WDR36: variants seen among roughly 807,000 people sequenced by gnomAD.
The protein encoded by WDR36 is WD repeat domain 36, also known as WD repeat-containing protein 36.
In WDR36, 63 loss-of-function variants were observed where a neutral mutation model predicts 112.7. The ratio of observed to expected loss-of-function variants is 0.56; its 90% CI spans 0.46 to 0.69. The LOEUF is 0.69. Ranked by LOEUF, WDR36 falls within the 30% of genes least tolerant of loss-of-function variation. The pLI is 0.00. For missense variants in WDR36, 1,226 were observed against 1,070.3 expected, an observed-to-expected ratio of 1.15 and a Z score of -2.03; for synonymous variants, 410 against 362.2, an observed-to-expected ratio of 1.13 and a Z score of -1.50.
chr5:111,104,910 C>T (rs1561703956), intron 9 of WDR36, 93 bp downstream of exon 9: 1 of 1,571,988 alleles, frequency 6.4e-7, no homozygotes, highest in Admixed American at 1.7e-5. Context: ...TACTTAGATT[C>T]ACATATCTCT....
intron 11 of WDR36, among the ~76,000 whole-genome samples, chr5:111,106,392 C>T (rs1356494605): frequency 6.6e-6 from 1 of 151,268 alleles, no homozygotes; most frequent in African/African-American, 2.4e-5. Flanking sequence ...ATTTTATAGC[C>T]TTTTTATTCT....
intron 12 of WDR36, among the ~76,000 whole-genome samples, chr5:111,108,924 G>C (rs1341201067): frequency 6.6e-6 from 1 of 151,306 alleles, no homozygotes; most frequent in Non-Finnish European, 1.5e-5. Flanking sequence ...GACAGTCTCA[G>C]CTATCTGGAG....
At chr5:111,118,955 GA>G (rs1753509749) in intron 16 of WDR36, 57 bp from the exon 17 acceptor site, 1 of 1,421,206 alleles carries the variant, frequency 7.0e-7, no homozygotes, top group Admixed American at 1.7e-5. Context: ...ATATTTTTGT[GA>G]ATTATCTCCT....
chr5:111,104,334 C>G lies in WDR36; in HGVS notation c.888C>G (p.Gly296=). The G allele has an allele frequency of 6.2e-7, 1 of 1,611,788 alleles. No individual in the cohort carries two copies. The highest frequency in any genetic ancestry group is 8.5e-7 in the Non-Finnish European group (1 of 1,178,364). The change falls in exon 8 of 23, where the codon GGC becomes GGG. Residue 296 remains glycine, a synonymous_variant. Transcript: ENST00000513710. ...LHREPLLVTN[G]ADNALRIWIF... is the part of the protein sequence containing the mutation. ...GAGAGCCACTTCTTGTCACAAATGG[C>G]GCTGACAATGCTCTTAGGGTATTAT...
intron 16 of WDR36, among the ~76,000 whole-genome samples, chr5:111,113,669 G>A (rs540251154): frequency 5.9e-5 from 9 of 152,150 alleles, no homozygotes; most frequent in African/African-American, 2.2e-4. Context: ...AAGAAAAGGA[G>A]TTTATTTCTT....
chr5:111,111,193 A>T lies in WDR36; in HGVS notation c.1631A>T (p.Asp544Val). Residue 544 changes from aspartate (D) to valine (V), a missense_variant, in exon 15 of 23, where the codon GAT becomes GTT. By Grantham distance (152) the Asp-to-Val change is radical. Coordinates refer to ENST00000513710, the MANE Select transcript of WDR36 (RefSeq NM_139281.3). ...RDSGILGLAL[D>V]DFSISVLDIE... ...AGTGGCATTCTGGGACTCGCCTTGGATGACTTCTCCATTAGTGTTCTGGAC... is the reference window on the plus strand; with the variant it reads ...AGTGGCATTCTGGGACTCGCCTTGGTTGACTTCTCCATTAGTGTTCTGGAC... The T allele has an allele frequency of 6.2e-7, 1 of 1,611,924 alleles. No individual in the cohort carries two copies. Among genetic ancestry groups the T allele is most frequent in the African/African-American group, 1.3e-5 (1 of 74,910 alleles).
chr5:111,098,669 T>C, intron 3 of WDR36, 53 bp from the exon 4 acceptor site: 1 of 1,143,324 alleles, frequency 8.7e-7, no homozygotes, highest in African/African-American at 1.5e-5. Context: ...ATGAATAATA[T>C]GACATGATGA....
chr5:111,092,705 C>T (rs1752892628), intron 1 of WDR36, 87 bp downstream of exon 1: 2 of 1,417,656 alleles, frequency 1.4e-6, no homozygotes, highest in Admixed American at 1.9e-5. Flanking sequence ...TCTCCCTTCC[C>T]ATTTACCACG....
chr5:111,096,128 G>C (rs1199729008), intron 2 of WDR36, among the ~76,000 whole-genome samples: 1 of 152,174 alleles, frequency 6.6e-6, no homozygotes, highest in Non-Finnish European at 1.5e-5. Context: ...ACAATCCTGT[G>C]TCTACTAACC....
intron 15 of WDR36, among the ~76,000 whole-genome samples, chr5:111,112,614 G>A (rs12521169): frequency 0.3 from 46,187 of 151,744 alleles, 7,563 homozygotes; most frequent in Middle Eastern, 0.48. Context: ...AAAATAATGG[G>A]TGGCATAAGT....
At position 111,113,057 on chromosome 5, in the gene WDR36, T is replaced by A. The variant is rs773480314; in HGVS notation, c.1717-17T>A. The A allele has an allele frequency of 9.2e-5, 72 of 784,450 alleles. 1 individual carries two copies. Among genetic ancestry groups the A allele is most frequent in the Middle Eastern group, 3.2e-4 (1 of 3,164 alleles). 48.6% of individuals were successfully genotyped at this position (784,450 alleles called of 1,614,324 possible). On this transcript the variant is annotated splice_polypyrimidine_tract_variant and intron_variant, in intron 15 of 22. Coordinates refer to ENST00000513710, the MANE Select transcript of WDR36 (RefSeq NM_139281.3). ...AATAATATATATATATATATATTTT[T>A]TTTTTTTAATTTAAAGGCTTTTAGT...
At chr5:111,120,649 G>A in intron 18 of WDR36, 56 bp downstream of exon 18, 1 of 1,436,288 alleles carries the variant, frequency 7.0e-7, no homozygotes, top group Non-Finnish European at 9.8e-7. Context: ...ACCTAATGTA[G>A]GAGATATTGC....
chr5:111,113,077 T>A lies in WDR36; in HGVS notation c.1720T>A (p.Phe574Ile). 3 of 1,413,870 alleles carry A rather than the reference T, an allele frequency of 2.1e-6. No homozygotes were observed. Among genetic ancestry groups the A allele is most frequent in the Non-Finnish European group, 2.8e-6 (3 of 1,064,160 alleles). 87.6% of individuals were successfully genotyped at this position (1,413,870 alleles called of 1,614,324 possible). Reference sequence around the variant, plus strand: ...ATTTTTTTTTTTTAATTTAAAGGCTTTTAGTCCTGATGGTCGTTGGTTAAT... The same window carrying A: ...ATTTTTTTTTTTTAATTTAAAGGCTATTAGTCCTGATGGTCGTTGGTTAAT... ...GHQGQINDMA[F>I]SPDGRWLISA... The change falls in exon 16 of 23, where the codon TTT (phenylalanine) becomes ATT (isoleucine). Residue 574 changes from phenylalanine (F) to isoleucine (I), a missense_variant. Transcript: ENST00000513710.
Position 111,107,452 on chromosome 5 carries a change from G to GT in WDR36, c.1326+16dup, listed in dbSNP as rs1194054486. On this transcript the variant is annotated intron_variant, in intron 12 of 22. Coordinates refer to ENST00000513710, the MANE Select transcript of WDR36 (RefSeq NM_139281.3). ...CATAACTGCAACAGTAAGTGAGCTT[G>GT]TTTATAAGAGTATCTTCTCTTTAAA... 4 of 1,608,566 alleles carry GT rather than the reference G, an allele frequency of 2.5e-6. No homozygotes were observed. The African/African-American group carries it at 4.0e-5, about 16-fold the overall frequency.
Position 111,129,775 on chromosome 5 carries a change from G to A in WDR36, c.*2892G>A, listed in dbSNP as rs886059787. ...AATTATTTTCTAAGACATTTACAGTGTATGTTTTCCTATGTTTACATGTGC... is the reference window on the plus strand; with the variant it reads ...AATTATTTTCTAAGACATTTACAGTATATGTTTTCCTATGTTTACATGTGC... On this transcript the variant is annotated 3_prime_UTR_variant, in exon 23 of 23. Coordinates refer to ENST00000513710, the MANE Select transcript of WDR36 (RefSeq NM_139281.3). The A allele has an allele frequency of 3.0e-5, 6 of 202,182 alleles. No homozygotes were observed. The Admixed American group carries it at 3.0e-4, about 10-fold the overall frequency. The allele number at this position is 202,182 out of a possible 1,614,324, so 12.5% of individuals were successfully genotyped here. A position where few individuals can be genotyped will look rare whatever the true frequency, so the allele number is the denominator to read the frequency against.
intron 4 of WDR36, among the ~76,000 whole-genome samples, chr5:111,099,210 A>G (rs1485276550): frequency 6.6e-6 from 1 of 152,032 alleles, no homozygotes; most frequent in Non-Finnish European, 1.5e-5. Context: ...AGTAAACTTG[A>G]TCTTGTAATC....
chr5:111,123,684 G>A lies in WDR36; in HGVS notation c.2149-121G>A. The stretch of plus-strand genomic sequence containing the variant: ...AGAGATCATATTTTAACATTCTTAT[G>A]TGAAAGAGTTTCATTCCTCTTTTAC... On this transcript the variant is annotated intron_variant, in intron 19 of 22. Coordinates refer to ENST00000513710, the MANE Select transcript of WDR36 (RefSeq NM_139281.3). 3.1e-6 allele frequency: 4 copies of A among 1,304,328 alleles called. No homozygotes were observed. The South Asian group carries it at 3.9e-5, about 13-fold the overall frequency. The allele number at this position is 1,304,328 out of a possible 1,614,324, so 80.8% of individuals were successfully genotyped here.
At chr5:111,117,610 T>C (rs1354002950) in intron 16 of WDR36, among the ~76,000 whole-genome samples, 1 of 152,186 alleles carries the variant, frequency 6.6e-6, no homozygotes, top group Non-Finnish European at 1.5e-5. Flanking sequence ...AGTTTTCAAA[T>C]CTTACTGGGC....
Position 111,121,015 on chromosome 5 carries a change from A to T in WDR36, c.2022A>T (p.Glu674Asp). Residue 674 changes from glutamate (E) to aspartate (D), a missense_variant, in exon 19 of 23, where the codon GAA becomes GAT. Physicochemically the swap from Glu to Asp is conservative, Grantham distance 45. Transcript: ENST00000513710. ...CQTQDVEVSE[E>D]TVEPSDELIE... is the part of the protein sequence containing the mutation. ...TTTAAGATGTAGAAGTATCAGAAGA[A>T]ACAGTAGAACCAAGTGATGAATTGA... 6.2e-7 allele frequency: 1 copy of T among 1,613,254 alleles called. No homozygotes were observed. The highest frequency in any genetic ancestry group is 8.5e-7 in the Non-Finnish European group (1 of 1,179,520).
Sources: gnomAD v4.1 joint callset for allele counts (sites outside exome capture counted in the v4.1 genomes callset) on GRCh38, gnomAD v4.1.1 for gene constraint, MANE v1.5 for transcripts, NCBI Gene and HGNC (gene_info 2026-07-23, HGNC 2026-07-21) for gene names.